DMRT1: variants seen among roughly 807,000 people sequenced by gnomAD.
The protein encoded by DMRT1 is doublesex- and mab-3-related transcription factor 1.
Under a neutral mutation model 32.3 loss-of-function variants are expected in DMRT1, and 7 were observed. That is an observed-to-expected ratio of 0.22 (90% CI 0.12 to 0.41). DMRT1 has a LOEUF of 0.41. Among genes scored for constraint, DMRT1 ranks in the 10% least tolerant of loss-of-function variants. DMRT1 has a pLI of 1.00. For missense variants in DMRT1, 625 were observed against 500.5 expected, an observed-to-expected ratio of 1.25 and a Z score of -2.37; for synonymous variants, 278 against 206.1, an observed-to-expected ratio of 1.35 and a Z score of -2.99.
chr9:937,866 T>C (rs759224462), intron 4 of DMRT1, among the ~76,000 whole-genome samples: 1 of 152,064 alleles, frequency 6.6e-6, no homozygotes, highest in African/African-American at 2.4e-5. Flanking sequence ...GTCCAAGTTA[T>C]CTAGTTTTTC....
intron 4 of DMRT1, among the ~76,000 whole-genome samples, chr9:961,379 C>A (rs769211156): frequency 2.6e-5 from 4 of 152,218 alleles, no homozygotes; most frequent in Non-Finnish European, 4.4e-5. Flanking sequence ...GTGCCATGTA[C>A]TTCCCAGAGT....
intron 4 of DMRT1, among the ~76,000 whole-genome samples, chr9:948,814 G>A (rs1202579601): frequency 2.6e-5 from 4 of 151,592 alleles, no homozygotes; most frequent in East Asian, 3.9e-4. Flanking sequence ...CTAGCACTTC[G>A]GGAGGCCAAA....
At chr9:909,847 G>T (rs1355153127) in intron 3 of DMRT1, among the ~76,000 whole-genome samples, 1 of 152,052 alleles carries the variant, frequency 6.6e-6, no homozygotes, top group Non-Finnish European at 1.5e-5. Context: ...TGAGTAGCTG[G>T]GAACACAGGT....
At chr9:902,781 G>A (rs1817638972) in intron 3 of DMRT1, among the ~76,000 whole-genome samples, 1 of 152,072 alleles carries the variant, frequency 6.6e-6, no homozygotes, top group Admixed American at 6.6e-5. Context: ...GAGCCACCAT[G>A]CCCAGCTTTC....
intron 4 of DMRT1, among the ~76,000 whole-genome samples, chr9:946,500 A>C (rs1490372350): frequency 1.3e-5 from 2 of 152,260 alleles, no homozygotes; most frequent in African/African-American, 4.8e-5. Context: ...TCTGCAAGAA[A>C]AGTACAAGAG....
In DMRT1 at chr9:891,405, C is replaced by A. The variant is rs549367226; in HGVS notation, c.539-2507C>A. ...GGAGGAAGTTGCAGTGAGCCGAGAT[C>A]GTACCACTGCACTCCAGCCTGGGCG... On this transcript the variant is annotated intron_variant, in intron 2 of 4. Coordinates refer to ENST00000382276, the MANE Select transcript of DMRT1 (RefSeq NM_021951.3). Among the ~76,000 whole-genome samples, 192 of 151,770 alleles carry A rather than the reference C, an allele frequency of 1.3e-3. 1 individual carries two copies. The highest frequency in any genetic ancestry group is 6.9e-3 in the Middle Eastern group (2 of 288).
At chr9:910,961 A>T (rs1051420190) in intron 3 of DMRT1, among the ~76,000 whole-genome samples, 3 of 152,170 alleles carry the variant, frequency 2.0e-5, no homozygotes, top group South Asian at 2.1e-4. Context: ...GGAGAAAAAT[A>T]TATATCCCTT....
intron 2 of DMRT1, among the ~76,000 whole-genome samples, chr9:892,245 C>G (rs1409639449): frequency 1.3e-5 from 2 of 152,182 alleles, no homozygotes; most frequent in African/African-American, 4.8e-5. Flanking sequence ...GTTGTATTCT[C>G]TGTTTTTCAC....
intron 1 of DMRT1, among the ~76,000 whole-genome samples, chr9:846,315 G>A (rs1013155678): frequency 5.9e-5 from 9 of 152,048 alleles, no homozygotes; most frequent in African/African-American, 9.7e-5. Flanking sequence ...TTACAGGTGC[G>A]AACCACCACT....
chr9:861,728 G>A (rs1480472262), intron 2 of DMRT1, among the ~76,000 whole-genome samples: 2 of 149,894 alleles, frequency 1.3e-5, no homozygotes, highest in Non-Finnish European at 3.0e-5. Context: ...GCCGGGCAGG[G>A]GCTGCCCCCC....
chr9:862,857 C>T (rs1195708506), intron 2 of DMRT1, among the ~76,000 whole-genome samples: 2 of 152,136 alleles, frequency 1.3e-5, no homozygotes, highest in South Asian at 2.1e-4. Context: ...AGGTGAATAA[C>T]GGCCTCCCAA....
intron 4 of DMRT1, among the ~76,000 whole-genome samples, chr9:949,587 C>CA (rs1396715200): frequency 6.6e-6 from 1 of 152,204 alleles, no homozygotes; most frequent in African/African-American, 2.4e-5. Context: ...GAACACTTGA[C>CA]ATAAGACCTA....
intron 2 of DMRT1, among the ~76,000 whole-genome samples, chr9:860,813 C>G (rs1815625362): frequency 6.6e-6 from 1 of 152,174 alleles, no homozygotes; most frequent in African/African-American, 2.4e-5. Context: ...TCATCAAGAT[C>G]TGGGGAAAGA....
At chr9:912,983 C>T (rs1205453870) in intron 3 of DMRT1, among the ~76,000 whole-genome samples, 1 of 152,098 alleles carries the variant, frequency 6.6e-6, no homozygotes, top group Non-Finnish European at 1.5e-5. Context: ...CAGCCATGCC[C>T]ATTCATTTTA....
chr9:905,488 C>CTCTGTGTGTGTGTG (rs1817740108), intron 3 of DMRT1, among the ~76,000 whole-genome samples: 1 of 147,724 alleles, frequency 6.8e-6, no homozygotes, highest in South Asian at 2.2e-4. Context: ...GTGTGTGTGT[C>CTCTGTGTGTGTGTG]TGTGTGTGTG....
intron 4 of DMRT1, among the ~76,000 whole-genome samples, chr9:928,287 A>G (rs1334605891): frequency 1.3e-5 from 2 of 152,174 alleles, no homozygotes. Context: ...TAACACACAT[A>G]TTTTAAAATT....
At chr9:891,592 C>G (rs767417662) in intron 2 of DMRT1, among the ~76,000 whole-genome samples, 20 of 151,492 alleles carry the variant, frequency 1.3e-4, no homozygotes, top group Non-Finnish European at 2.7e-4. Flanking sequence ...TCGTCTCACT[C>G]CAACCTCTGT....
intron 4 of DMRT1, among the ~76,000 whole-genome samples, chr9:930,550 A>G (rs923472147): frequency 5.9e-5 from 9 of 151,966 alleles, no homozygotes; most frequent in Non-Finnish European, 1.3e-4. Context: ...CTGGGGCTAC[A>G]GGCGCCCGCC....
At chr9:853,559 G>A (rs1373557868) in intron 2 of DMRT1, among the ~76,000 whole-genome samples, 1 of 138,626 alleles carries the variant, frequency 7.2e-6, no homozygotes, top group African/African-American at 2.7e-5. Flanking sequence ...TGCAATCTCC[G>A]CCTCCCAGGT....
Sources: allele counts gnomAD v4.1 joint callset (sites outside exome capture counted in the v4.1 genomes callset), GRCh38; gene constraint gnomAD v4.1.1; transcripts MANE v1.5; gene names NCBI Gene and HGNC (gene_info 2026-07-23, HGNC 2026-07-21).